MYO5A: variants seen among roughly 807,000 people sequenced by gnomAD.
MYO5A encodes the protein myosin VA.
MYO5A carries 98 observed loss-of-function variants against 249.7 expected under a neutral mutation model. The observed-to-expected ratio is 0.39, with a 90% CI of 0.33 to 0.46. The LOEUF (loss-of-function observed/expected upper bound fraction) is 0.46, where lower values mean the gene tolerates loss of function less well. Ranked by LOEUF, MYO5A falls within the 20% of genes least tolerant of loss-of-function variation. The pLI is 0.98. For synonymous variants in MYO5A, 778 were observed against 810.6 expected, an observed-to-expected ratio of 0.96 and a Z score of 0.68; for missense variants, 1,696 against 2,308.8, an observed-to-expected ratio of 0.73 and a Z score of 5.44.
chr15:52,425,499 ACAAGTGCGTGCCTC>A (rs2075375122), intron 4 of MYO5A, among the ~76,000 whole-genome samples: 1 of 152,272 alleles, frequency 6.6e-6, no homozygotes, highest in East Asian at 1.9e-4. Flanking sequence ...AGCTGGGATT[ACAAGTGCGTGCCTC>A]CACACCCGGC....
chr15:52,448,098 G>A (rs966817284), intron 1 of MYO5A, among the ~76,000 whole-genome samples: 3 of 152,204 alleles, frequency 2.0e-5, no homozygotes, highest in Non-Finnish European at 4.4e-5. Flanking sequence ...CATGTGCCTG[G>A]AAAAGCCAAA....
chr15:52,438,834 C>G (rs1012088500), intron 1 of MYO5A, among the ~76,000 whole-genome samples: 1 of 152,222 alleles, frequency 6.6e-6, no homozygotes, highest in Non-Finnish European at 1.5e-5. Context: ...GTGTTTGTTA[C>G]GGCTCGAGCT....
intron 34 of MYO5A, among the ~76,000 whole-genome samples, chr15:52,332,127 T>C (rs1481305298): frequency 6.6e-6 from 1 of 152,186 alleles, no homozygotes; most frequent in African/African-American, 2.4e-5. Context: ...TCTATGCCAC[T>C]AGTAACTTTT....
At chr15:52,407,661 T>C (rs2043067270) in intron 7 of MYO5A, among the ~76,000 whole-genome samples, 1 of 152,164 alleles carries the variant, frequency 6.6e-6, no homozygotes, top group South Asian at 2.1e-4. Flanking sequence ...TATTCCAATC[T>C]ACACACTAGA....
intron 1 of MYO5A, among the ~76,000 whole-genome samples, chr15:52,477,794 C>G (rs67028104): frequency 0.15 from 22,657 of 152,160 alleles, 1,812 homozygotes; most frequent in Middle Eastern, 0.22. Flanking sequence ...GAGGTGCACC[C>G]GGCCGTATGA....
At position 52,340,187 on chromosome 15, in the gene MYO5A, T is replaced by G. The variant is rs377251507; in HGVS notation, c.4239+9A>C. On this transcript the variant is annotated intron_variant, in intron 32 of 41. Coordinates refer to ENST00000399233, the MANE Select transcript of MYO5A (RefSeq NM_001382347.1). ...TTAAGAAGCATGTGGACCCGGCAGC[T>G]CTCCTTACCAAGTTTTCGTTGGTCA... 8.7e-6 allele frequency: 14 copies of G among 1,613,896 alleles called. No homozygotes were observed. The highest frequency in any genetic ancestry group is 5.9e-6 in the Non-Finnish European group (7 of 1,179,978).
Position 52,372,153 on chromosome 15 carries a change from T to C in MYO5A, c.2788A>G (p.Met930Val), listed in dbSNP as rs368948203. 51 of 1,613,280 alleles carry C rather than the reference T, an allele frequency of 3.2e-5. No homozygotes were observed. The highest frequency in any genetic ancestry group is 4.2e-5 in the Non-Finnish European group (49 of 1,179,730). Residue 930 changes from methionine (M) to valine (V), a missense_variant, in exon 21 of 42, where the codon ATG becomes GTG. By Grantham distance (21) the Met-to-Val change is conservative. Around this residue, in one of 5 missense-constraint regions of MYO5A, gnomAD observed 412 missense variants for 453.3 expected, o/e 0.91. Coordinates refer to ENST00000399233, the MANE Select transcript of MYO5A (RefSeq NM_001382347.1). ...TCATCAACTTTGCGCTGCAGCTGCA[T>C]GATCTTGTTCTCCATGCCGATGTGC... is the stretch of plus-strand genomic sequence containing the variant. Reference protein sequence around the residue: ...KLHIGMENKIMQLQRKVDEQN... With the variant: ...KLHIGMENKIVQLQRKVDEQN...
chr15:52,524,444 C>T (rs1159429613), intron 1 of MYO5A, among the ~76,000 whole-genome samples: 1 of 151,630 alleles, frequency 6.6e-6, no homozygotes, highest in Non-Finnish European at 1.5e-5. Flanking sequence ...GATTCAGCTA[C>T]CCAGGAAGGT....
intron 1 of MYO5A, among the ~76,000 whole-genome samples, chr15:52,511,344 C>A (rs1165034181): frequency 1.3e-5 from 2 of 152,238 alleles, no homozygotes; most frequent in Non-Finnish European, 2.9e-5. Context: ...CTTTTCAGAT[C>A]TTTCCAGATC....
In MYO5A at chr15:52,391,978, A is replaced by C. The variant is rs142420100; in HGVS notation, c.1494T>G (p.Leu498=). ...CTAGAATGCCTAGTTTTGATTCTAT[A>C]AGATTAATACAAGGCTGATTATCAT... The part of the protein sequence containing the change: ...DFYDNQPCIN[L]IESKLGILDL... Residue 498 remains leucine (L), a synonymous_variant, in exon 12 of 42, where the codon CTT becomes CTG. Transcript: ENST00000399233. 136 of 1,612,658 alleles carry C rather than the reference A, an allele frequency of 8.4e-5. 1 individual carries two copies. The African/African-American group carries it at 1.2e-3, about 14-fold the overall frequency.
At chr15:52,452,244 C>T (rs1233307046) in intron 1 of MYO5A, among the ~76,000 whole-genome samples, 1 of 151,816 alleles carries the variant, frequency 6.6e-6, no homozygotes, top group Non-Finnish European at 1.5e-5. Flanking sequence ...TTAAAAAAAA[C>T]TCTGAGCAGA....
intron 2 of MYO5A, among the ~76,000 whole-genome samples, chr15:52,432,347 A>C (rs1156413133): frequency 2.0e-5 from 3 of 152,256 alleles, no homozygotes; most frequent in Admixed American, 6.5e-5. Flanking sequence ...ACACAATGAC[A>C]TTCATTAATT....
intron 1 of MYO5A, among the ~76,000 whole-genome samples, chr15:52,478,855 C>A (rs2141482836): frequency 6.6e-6 from 1 of 152,280 alleles, no homozygotes; most frequent in South Asian, 2.1e-4. Context: ...CACAACATGG[C>A]TACAGAATTA....
rs1426298621 is a variant in MYO5A at position 52,498,222 on chromosome 15, A to G, written c.27+30558T>C. On this transcript the variant is annotated intron_variant, in intron 1 of 41. Transcript: ENST00000399233. ...GTTTGTACAGATATAATCTATGTAA[A>G]CAATTCCCTATTGCTGGACATCTAC... Among the ~76,000 whole-genome samples the G allele has an allele frequency of 2.0e-5, 3 of 152,322 alleles. No homozygotes were observed. In the East Asian group the frequency reaches 5.8e-4, roughly 29 times the overall value.
intron 41 of MYO5A, 23 bp from the exon 42 acceptor site, chr15:52,313,871 TAAAC>T: frequency 1.2e-6 from 2 of 1,612,602 alleles, no homozygotes; most frequent in East Asian, 2.2e-5. Flanking sequence ...GGAAAAAAAA[TAAAC>T]AGAGCATCAG....
chr15:52,456,115 T>G (rs1386795421), intron 1 of MYO5A, among the ~76,000 whole-genome samples: 3 of 152,008 alleles, frequency 2.0e-5, no homozygotes, highest in Admixed American at 2.0e-4. Context: ...TCTAGTAAAA[T>G]TGCAGGATAC....
Position 52,372,350 on chromosome 15 carries a change from T to C in MYO5A, c.2591A>G (p.His864Arg), listed in dbSNP as rs765598786. The change falls in exon 21 of 42, where the codon CAC (histidine) becomes CGC (arginine). Residue 864 changes from histidine (H) to arginine (R), a missense_variant. By Grantham distance (29) the His-to-Arg change is conservative (BLOSUM62 0). Coordinates refer to ENST00000399233, the MANE Select transcript of MYO5A (RefSeq NM_001382347.1). ...RNRYRKILREHKAVIIQKRVR... is the reference protein window; with the variant it reads ...RNRYRKILRERKAVIIQKRVR... ...TCGCTTCTGAATGATGACTGCTTTG[T>C]GCTCACGGAGTATCTGCAGAAAAGG... The C allele has an allele frequency of 1.2e-6, 2 of 1,602,538 alleles. No homozygotes were observed. The highest frequency in any genetic ancestry group is 1.7e-5 in the Admixed American group (1 of 60,002).
At chr15:52,455,460 C>T (rs1025742013) in intron 1 of MYO5A, among the ~76,000 whole-genome samples, 2 of 151,994 alleles carry the variant, frequency 1.3e-5, no homozygotes, top group African/African-American at 4.8e-5. Context: ...ACTCATTCTA[C>T]AAGCCCAGCT....
At chr15:52,324,045 C>T (rs1162193606) in intron 36 of MYO5A, 1 of 114,526 alleles carries the variant, frequency 8.7e-6, no homozygotes, top group African/African-American at 2.9e-5. Context: ...AAAAATCACC[C>T]AGCTACAGCT....
Sources: gnomAD v4.1 joint callset for allele counts (sites outside exome capture counted in the v4.1 genomes callset) on GRCh38, gnomAD v4.1.1 for gene constraint, gnomAD v4.1.1 regional missense constraint, MANE v1.5 for transcripts, NCBI Gene and HGNC (gene_info 2026-07-23, HGNC 2026-07-21) for gene names.